NWD1: variants seen among roughly 807,000 people sequenced by gnomAD.
NWD1 encodes the protein NACHT and WD repeat domain containing 1.
Under a neutral mutation model 135.1 loss-of-function variants are expected in NWD1, and 129 were observed. The observed-to-expected ratio is 0.96, with a 90% CI of 0.83 to 1.11. The LOEUF is 1.11. Ranked by LOEUF, NWD1 falls within the 50% of genes least tolerant of loss-of-function variation. The probability of loss-of-function intolerance (pLI) is 0.00; values close to 1 mark genes in which losing one functional copy is unlikely to be tolerated. For synonymous variants in NWD1, 773 were observed against 786.0 expected (o/e 0.98, Z 0.28); for missense variants, 1,740 against 1,851.3 (o/e 0.94, Z 1.10).
At position 16,812,846 on chromosome 19, in the gene NWD1, G is replaced by A. The variant is rs559304335; in HGVS notation, c.4288-2182G>A. 1.3e-5 allele frequency: 10 copies of A among 780,992 alleles called. 1 individual carries two copies. In the African/African-American group the frequency reaches 1.7e-4, roughly 13 times the overall value. 48.4% of individuals were successfully genotyped at this position (780,992 alleles called of 1,614,324 possible). A position where few individuals can be genotyped will look rare whatever the true frequency, so the allele number is the denominator to read the frequency against. On this transcript the variant is annotated intron_variant, in intron 18 of 18. Coordinates refer to ENST00000524140, the MANE Select transcript of NWD1 (RefSeq NM_001007525.5). ...GCTCTATACTTGTTTGGAGTGTGCT[G>A]GATGGTGAGTCATTTTGCTTTTAGG...
intron 11 of NWD1, among the ~76,000 whole-genome samples, 189 bp downstream of exon 11, chr19:16,773,512 A>G (rs978065944): frequency 1.3e-5 from 2 of 152,134 alleles, no homozygotes; most frequent in African/African-American, 4.8e-5. Flanking sequence ...AAGGGACTGT[A>G]GATGTCTCAT....
rs977263861 is a variant in NWD1, at chr19:16,743,401, G to T, written c.199-1020G>T. Among the ~76,000 whole-genome samples the T allele has an allele frequency of 5.3e-5, 8 of 151,624 alleles. No homozygotes were observed. In the Admixed American group the frequency reaches 5.3e-4, roughly 10 times the overall value. ...AATTTTTAATTTTTATAGATATGGGGTCTCACTATGTTGCCCAGCTAGTCT... is the reference window on the plus strand; with the variant it reads ...AATTTTTAATTTTTATAGATATGGGTTCTCACTATGTTGCCCAGCTAGTCT... On this transcript the variant is annotated intron_variant, in intron 4 of 18. Transcript: ENST00000524140.
chr19:16,793,281 G>A (rs893110571), intron 14 of NWD1, among the ~76,000 whole-genome samples: 8 of 151,996 alleles, frequency 5.3e-5, no homozygotes, highest in Non-Finnish European at 7.4e-5. Context: ...TCTCTCAGGC[G>A]GGAGTGCAGT....
intron 14 of NWD1, among the ~76,000 whole-genome samples, chr19:16,793,501 C>T (rs1469359375): frequency 6.6e-6 from 1 of 151,882 alleles, no homozygotes; most frequent in Non-Finnish European, 1.5e-5. Context: ...GCTGGGATTA[C>T]AGGCGTGACC....
At chr19:16,740,385 G>A (rs1968030385) in intron 4 of NWD1, among the ~76,000 whole-genome samples, 1 of 151,844 alleles carries the variant, frequency 6.6e-6, no homozygotes, top group African/African-American at 2.4e-5. Flanking sequence ...ACCCAGGCTG[G>A]GGTGCAGTGG....
intron 4 of NWD1, among the ~76,000 whole-genome samples, chr19:16,741,366 G>GT (rs1968071846): frequency 1.5e-5 from 2 of 135,388 alleles, no homozygotes; most frequent in Non-Finnish European, 1.6e-5. Context: ...TTTTGTTTTT[G>GT]TGTTTTTTTT....
rs1970468375 is a variant in NWD1 at position 16,797,803 on chromosome 19, G to C, written c.3376G>C (p.Glu1126Gln). The C allele has an allele frequency of 1.2e-6, 2 of 1,613,906 alleles. No homozygotes were observed. Among genetic ancestry groups the C allele is most frequent in the Non-Finnish European group, 1.7e-6 (2 of 1,179,906 alleles). Reference sequence around the variant, plus strand: ...TCGCCGATTCATGGCCATGGATCTGGAACATGAAGACATGGTGGAGACGGC... The same window carrying C: ...TCGCCGATTCATGGCCATGGATCTGCAACATGAAGACATGGTGGAGACGGC... ...GFRRFMAMDL[E>Q]HEDMVETAVF... Residue 1126 changes from glutamate (E) to glutamine (Q), a missense_variant, in exon 16 of 19, where the codon GAA becomes CAA. Coordinates refer to ENST00000524140, the MANE Select transcript of NWD1 (RefSeq NM_001007525.5).
chr19:16,765,581 G>A (rs1969192859), intron 10 of NWD1, among the ~76,000 whole-genome samples: 2 of 152,038 alleles, frequency 1.3e-5, no homozygotes, highest in South Asian at 4.2e-4. Flanking sequence ...GGATCTTCTT[G>A]CCTCAGCCTC....
intron 17 of NWD1, among the ~76,000 whole-genome samples, chr19:16,803,623 C>G (rs10439170): frequency 0.084 from 12,819 of 151,896 alleles, 1,039 homozygotes; most frequent in African/African-American, 0.22. Context: ...CAGGTGGAAA[C>G]TAGCTAGTCA....
Position 16,778,494 on chromosome 19 carries a change from C to CTTCTTTTTTTTTTT in NWD1, c.2609-847_2609-846insCTTTTTTTTTTTTT, listed in dbSNP as rs200410922. Reference sequence around the variant, plus strand: ...TCTTTTCTTTCTTCTTCTTCTTCTTCTTTTTTTTTTTTTTGTTGTTGTTGT... The same window carrying CTTCTTTTTTTTTTT: ...TCTTTTCTTTCTTCTTCTTCTTCTTCTTCTTTTTTTTTTTTTTTTTTTTTTTTTGTTGTTGTTGT... On this transcript the variant is annotated intron_variant, in intron 11 of 18. Transcript: ENST00000524140. Among the ~76,000 whole-genome samples the CTTCTTTTTTTTTTT allele has an allele frequency of 2.2e-3, 232 of 107,096 alleles. 6 individuals are homozygous for CTTCTTTTTTTTTTT. Among genetic ancestry groups the CTTCTTTTTTTTTTT allele is most frequent in the African/African-American group, 9.6e-3 (198 of 20,658 alleles). 70.3% of individuals were successfully genotyped at this position (107,096 alleles called of 152,430 possible).
chr19:16,741,182 G>A (rs1968063565), intron 4 of NWD1, among the ~76,000 whole-genome samples: 1 of 151,906 alleles, frequency 6.6e-6, no homozygotes, highest in African/African-American at 2.4e-5. Context: ...AGGGGGAGGG[G>A]ACAGCCTTAT....
intron 2 of NWD1, among the ~76,000 whole-genome samples, chr19:16,730,257 G>A (rs1233226574): frequency 6.6e-6 from 1 of 152,082 alleles, no homozygotes; most frequent in East Asian, 1.9e-4. Context: ...AGGAGGCAGA[G>A]GTTGCAGTGA....
intron 18 of NWD1, among the ~76,000 whole-genome samples, chr19:16,808,571 A>AAAG (rs1168036696): frequency 6.6e-6 from 1 of 151,948 alleles, no homozygotes; most frequent in Non-Finnish European, 1.5e-5. Context: ...AAAGAAAAGA[A>AAAG]AAGTGAGGCA....
chr19:16,807,184 AAAAG>A (rs1463438433), intron 17 of NWD1, among the ~76,000 whole-genome samples: 13 of 151,030 alleles, frequency 8.6e-5, no homozygotes, highest in Non-Finnish European at 1.5e-4. Flanking sequence ...AAAAAAAAAA[AAAAG>A]AAAGAAAGAA....
chr19:16,753,568 C>T (rs1568354372), intron 6 of NWD1, among the ~76,000 whole-genome samples: 2 of 152,132 alleles, frequency 1.3e-5, no homozygotes, highest in Non-Finnish European at 1.5e-5. Flanking sequence ...CCCCCCATCC[C>T]CCCACAGGGG....
At chr19:16,751,180 C>T (rs549219039) in intron 6 of NWD1, among the ~76,000 whole-genome samples, 111 of 148,616 alleles carry the variant, frequency 7.5e-4, no homozygotes, top group Middle Eastern at 3.5e-3. Flanking sequence ...GCCGAGATCA[C>T]GCCATTGCAC....
At chr19:16,736,594 C>A in intron 3 of NWD1, 40 bp from the exon 4 acceptor site, 3 of 1,277,592 alleles carry the variant, frequency 2.3e-6, no homozygotes, top group South Asian at 1.3e-5. Context: ...AATCACCTGT[C>A]ATGCCACCTC....
intron 5 of NWD1, among the ~76,000 whole-genome samples, chr19:16,747,318 A>G (rs918457026): frequency 3.3e-5 from 5 of 150,328 alleles, no homozygotes; most frequent in Non-Finnish European, 5.9e-5. Context: ...TACAGGTATG[A>G]GCACCCGCGC....
chr19:16,761,992 G>T lies in NWD1; in HGVS notation c.1987G>T (p.Val663Leu). 1 of 1,613,980 alleles carries T rather than the reference G, an allele frequency of 6.2e-7. No homozygotes were observed. The highest frequency in any genetic ancestry group is 2.2e-5 in the East Asian group (1 of 44,868). The change falls in exon 8 of 19, where the codon GTG becomes TTG. Residue 663 changes from valine (V) to leucine (L), a missense_variant. Physicochemically the swap from Val to Leu is conservative, Grantham distance 32. Coordinates refer to ENST00000524140, the MANE Select transcript of NWD1 (RefSeq NM_001007525.5). ...CCCTCTCTGTAGACAGCTGGTCGAG[G>T]TGGTCCGTGAGCGCTACCTGTCAGG... Reference protein sequence around the residue: ...LAIAHRQLVEVVRERYLSGSE... With the variant: ...LAIAHRQLVELVRERYLSGSE...
Sources: allele counts gnomAD v4.1 joint callset (sites outside exome capture counted in the v4.1 genomes callset), GRCh38; gene constraint gnomAD v4.1.1; transcripts MANE v1.5; gene names NCBI Gene and HGNC (gene_info 2026-07-23, HGNC 2026-07-21).